Variants in SPATA16 observed in about 807,000 individuals in gnomAD.
SPATA16 encodes spermatogenesis associated 16.
In SPATA16, 36 loss-of-function variants were observed where a neutral mutation model predicts 63.3. The observed-to-expected ratio is 0.57, with a 90% CI of 0.44 to 0.75. The LOEUF (loss-of-function observed/expected upper bound fraction) is 0.75, where lower values mean the gene tolerates loss of function less well. Ranked by LOEUF, SPATA16 falls within the 30% of genes least tolerant of loss-of-function variation. SPATA16 has a pLI of 0.00. For missense variants in SPATA16, 646 were observed against 679.3 expected (o/e 0.95, Z 0.54); for synonymous variants, 203 against 216.7 (o/e 0.94, Z 0.56).
chr3:173,050,589 T>C (rs1168290619), intron 2 of SPATA16, among the ~76,000 whole-genome samples: 1 of 151,982 alleles, frequency 6.6e-6, no homozygotes, highest in Non-Finnish European at 1.5e-5. Flanking sequence ...TGTAAATCTT[T>C]TTCTTATTAA....
intron 2 of SPATA16, among the ~76,000 whole-genome samples, chr3:173,088,074 C>A (rs1425453472): frequency 1.1e-5 from 1 of 93,356 alleles, no homozygotes; most frequent in Non-Finnish European, 2.3e-5. Context: ...TTCTTTCTTT[C>A]TTTCTGTCTT....
At chr3:172,946,432 G>T (rs1267552313) in intron 6 of SPATA16, among the ~76,000 whole-genome samples, 1 of 68,754 alleles carries the variant, frequency 1.5e-5, no homozygotes, top group Non-Finnish European at 2.9e-5. Flanking sequence ...AGTATTTCTG[G>T]ATCCGCCCTG....
At chr3:173,066,325 A>G (rs1194534815) in intron 2 of SPATA16, among the ~76,000 whole-genome samples, 1 of 152,208 alleles carries the variant, frequency 6.6e-6, no homozygotes, top group Non-Finnish European at 1.5e-5. Flanking sequence ...GCCAGGCAGT[A>G]GTGGTTGCAG....
chr3:173,016,177 C>A (rs990179111), intron 4 of SPATA16, among the ~76,000 whole-genome samples: 1 of 152,186 alleles, frequency 6.6e-6, no homozygotes, highest in Non-Finnish European at 1.5e-5. Context: ...AAAATATCTC[C>A]ATTTTTGTTC....
intron 5 of SPATA16, 34 bp from the exon 6 acceptor site, chr3:172,956,858 TA>T (rs1733609919): frequency 1.2e-6 from 2 of 1,612,026 alleles, no homozygotes; most frequent in Admixed American, 1.7e-5. Context: ...TTGGCATCAA[TA>T]ACAATATATG....
intron 1 of SPATA16, among the ~76,000 whole-genome samples, chr3:173,119,794 C>T (rs987934714): frequency 5.9e-5 from 9 of 151,920 alleles, no homozygotes; most frequent in African/African-American, 1.4e-4. Flanking sequence ...TGGCCAGGCG[C>T]GATGGCTCAC....
chr3:173,105,468 G>A (rs921739135), intron 2 of SPATA16, among the ~76,000 whole-genome samples: 6 of 152,166 alleles, frequency 3.9e-5, no homozygotes, highest in South Asian at 4.1e-4. Context: ...GAGGAGTAAC[G>A]TATTACAGTT....
intron 1 of SPATA16, among the ~76,000 whole-genome samples, chr3:173,122,693 AG>A (rs1171889799): frequency 6.6e-6 from 1 of 152,210 alleles, no homozygotes; most frequent in Non-Finnish European, 1.5e-5. Context: ...GTGCTGTGCT[AG>A]GTCATATGAG....
intron 10 of SPATA16, among the ~76,000 whole-genome samples, chr3:172,890,808 C>A (rs1731879383): frequency 6.7e-6 from 1 of 150,366 alleles, no homozygotes; most frequent in Non-Finnish European, 1.5e-5. Context: ...CTTTTTGAAA[C>A]CCTTGTAAAA....
chr3:173,010,148 C>T (rs1238331670), intron 4 of SPATA16, among the ~76,000 whole-genome samples: 1 of 152,200 alleles, frequency 6.6e-6, no homozygotes, highest in African/African-American at 2.4e-5. Flanking sequence ...ACCTCCAGAC[C>T]CTATTCTTCT....
At chr3:172,995,390 G>T (rs1031467457) in intron 4 of SPATA16, among the ~76,000 whole-genome samples, 3 of 152,010 alleles carry the variant, frequency 2.0e-5, no homozygotes, top group Non-Finnish European at 4.4e-5. Context: ...ATTAAAACTG[G>T]ATTGCTAATC....
chr3:173,106,799 C>T (rs1486872073), intron 2 of SPATA16, among the ~76,000 whole-genome samples: 2 of 152,182 alleles, frequency 1.3e-5, no homozygotes, highest in Non-Finnish European at 2.9e-5. Flanking sequence ...TCCTTCCCCT[C>T]TCCCTCCCTA....
At chr3:173,083,142 T>A (rs1736964238) in intron 2 of SPATA16, among the ~76,000 whole-genome samples, 1 of 152,064 alleles carries the variant, frequency 6.6e-6, no homozygotes, top group East Asian at 1.9e-4. Context: ...ACTACACTGT[T>A]ATAACATTGG....
chr3:172,945,591 A>G (rs1328211031), intron 6 of SPATA16, among the ~76,000 whole-genome samples: 3 of 152,276 alleles, frequency 2.0e-5, no homozygotes, highest in Admixed American at 1.3e-4. Flanking sequence ...GGGAGAATAC[A>G]GTAATTGTGG....
At chr3:173,121,612 C>T (rs1444465745) in intron 1 of SPATA16, among the ~76,000 whole-genome samples, 1 of 151,686 alleles carries the variant, frequency 6.6e-6, no homozygotes, top group Non-Finnish European at 1.5e-5. Context: ...TCCCTAAAAG[C>T]AGAAATATAC....
chr3:173,049,646 T>C (rs1286984374), intron 2 of SPATA16, among the ~76,000 whole-genome samples: 1 of 152,138 alleles, frequency 6.6e-6, no homozygotes, highest in Non-Finnish European at 1.5e-5. Flanking sequence ...TAGTATGTTA[T>C]TGAAAGAAAA....
intron 3 of SPATA16, among the ~76,000 whole-genome samples, chr3:173,040,481 A>G (rs559793947): frequency 6.6e-6 from 1 of 152,282 alleles, no homozygotes; most frequent in East Asian, 1.9e-4. Flanking sequence ...ATATTGTAAA[A>G]TAGACTTGCT....
intron 5 of SPATA16, among the ~76,000 whole-genome samples, chr3:172,963,111 T>C (rs573964158): frequency 6.6e-6 from 1 of 152,270 alleles, no homozygotes; most frequent in East Asian, 1.9e-4. Context: ...ATGTAATAAT[T>C]GACTGCTTGT....
intron 2 of SPATA16, among the ~76,000 whole-genome samples, chr3:173,075,489 G>C (rs1036565944): frequency 1.3e-5 from 2 of 152,122 alleles, no homozygotes; most frequent in African/African-American, 2.4e-5. Flanking sequence ...GTTTATTATA[G>C]CAGTATTCAC....
Sources: allele counts gnomAD v4.1 joint callset (sites outside exome capture counted in the v4.1 genomes callset), GRCh38; gene constraint gnomAD v4.1.1; transcripts MANE v1.5; gene names NCBI Gene and HGNC (gene_info 2026-07-23, HGNC 2026-07-21).